CRPPA: variants seen among roughly 807,000 people sequenced by gnomAD.
CRPPA encodes CDP-L-ribitol pyrophosphorylase A, also known as D-ribitol-5-phosphate cytidylyltransferase.
In CRPPA, 43 loss-of-function variants were observed where a neutral mutation model predicts 52.0. The ratio of observed to expected loss-of-function variants is 0.83; its 90% CI spans 0.65 to 1.07. CRPPA has a LOEUF of 1.07. Ranked by LOEUF, CRPPA falls within the 50% of genes least tolerant of loss-of-function variation. The pLI is 0.00. For missense variants in CRPPA, 629 were observed against 551.7 expected, an observed-to-expected ratio of 1.14 and a Z score of -1.40; for synonymous variants, 250 against 203.5, an observed-to-expected ratio of 1.23 and a Z score of -1.94.
intron 9 of CRPPA, among the ~76,000 whole-genome samples, chr7:16,119,522 A>C (rs1234052130): frequency 6.6e-6 from 1 of 152,218 alleles, no homozygotes; most frequent in Non-Finnish European, 1.5e-5. Flanking sequence ...AACAGACAAA[A>C]CTTGAAGTGA....
chr7:16,219,849 A>G lies in CRPPA; in HGVS notation c.1120-3652T>C, dbSNP rs1001903650. Among the ~76,000 whole-genome samples the G allele has an allele frequency of 2.0e-5, 3 of 151,020 alleles. No individual in the cohort carries two copies. In the South Asian group the frequency reaches 6.3e-4, roughly 32 times the overall value. On this transcript the variant is annotated intron_variant, in intron 8 of 9. Transcript: ENST00000407010. ...CCAGGACCAGATGGATTCACAGCCA[A>G]ATTCTATCAGAGGTACAAGGAGGAA... is the stretch of plus-strand genomic sequence containing the variant.
Position 16,338,813 on chromosome 7 carries a change from CTTT to C in CRPPA, c.685-30189_685-30187del, listed in dbSNP as rs59732453. On this transcript the variant is annotated intron_variant, in intron 3 of 9. Coordinates refer to ENST00000407010, the MANE Select transcript of CRPPA (RefSeq NM_001101426.4). ...TGGGTTCATCGTGAATTCTAGCAAA[CTTT>C]TTTTTTTTTTTTTTTTTGAGACAGA... Among the ~76,000 whole-genome samples, 131 of 116,462 alleles carry C rather than the reference CTTT, an allele frequency of 1.1e-3. 1 individual carries two copies. Among genetic ancestry groups the C allele is most frequent in the Middle Eastern group, 9.3e-3 (2 of 214 alleles). The allele number at this position is 116,462 out of a possible 152,430, so 76.4% of individuals were successfully genotyped here.
chr7:16,205,123 T>G (rs988829419), intron 9 of CRPPA, among the ~76,000 whole-genome samples: 6 of 152,208 alleles, frequency 3.9e-5, no homozygotes, highest in Non-Finnish European at 5.9e-5. Flanking sequence ...AAAACAGCTA[T>G]TCACCATTAC....
chr7:16,280,377 T>C (rs1016694728), intron 5 of CRPPA, among the ~76,000 whole-genome samples: 20 of 152,344 alleles, frequency 1.3e-4, no homozygotes, highest in Non-Finnish European at 2.1e-4. Context: ...ATTACATGTT[T>C]AGAGAAATCT....
At chr7:16,386,815 G>A (rs1221299860) in intron 2 of CRPPA, among the ~76,000 whole-genome samples, 2 of 151,884 alleles carry the variant, frequency 1.3e-5, no homozygotes, top group African/African-American at 4.8e-5. Flanking sequence ...GAGATAAGGA[G>A]TTTGAGACCA....
chr7:16,112,291 G>C (rs943377420), intron 9 of CRPPA, among the ~76,000 whole-genome samples: 2 of 151,884 alleles, frequency 1.3e-5, no homozygotes, highest in African/African-American at 4.8e-5. Flanking sequence ...CTACATCTTG[G>C]GCAACAGAGT....
chr7:16,327,474 T>C (rs145072445), intron 3 of CRPPA, among the ~76,000 whole-genome samples: 3,202 of 151,990 alleles, frequency 0.021, 104 homozygotes, highest in African/African-American at 0.071. Context: ...GCGCCTGTAG[T>C]CCCAGCTACT....
At chr7:16,199,165 G>C (rs780137869) in intron 9 of CRPPA, among the ~76,000 whole-genome samples, 8 of 152,126 alleles carry the variant, frequency 5.3e-5, no homozygotes, top group Non-Finnish European at 8.8e-5. Flanking sequence ...AACTGGACCA[G>C]TGGTTCTCAA....
intron 9 of CRPPA, among the ~76,000 whole-genome samples, chr7:16,104,132 A>T (rs1459284081): frequency 9.9e-5 from 15 of 152,230 alleles, no homozygotes; most frequent in Admixed American, 9.8e-4. Flanking sequence ...AAAGTTTCAC[A>T]GTTGTTTACC....
Position 16,308,516 on chromosome 7 carries a change from C to G in CRPPA, c.789+7G>C. 6.6e-7 allele frequency: 1 copy of G among 1,515,122 alleles called. No homozygotes were observed. The highest frequency in any genetic ancestry group is 9.1e-7 in the Non-Finnish European group (1 of 1,094,236). The allele number at this position is 1,515,122 out of a possible 1,614,324, so 93.9% of individuals were successfully genotyped here. A position where few individuals can be genotyped will look rare whatever the true frequency, so the allele number is the denominator to read the frequency against. On this transcript the variant is annotated splice_region_variant and intron_variant, in intron 4 of 9. Coordinates refer to ENST00000407010, the MANE Select transcript of CRPPA (RefSeq NM_001101426.4). ...AAAGAACCCAAGCAAGGTATCATCCCTCTTACCTTCCAGAGGTCAGGTGAT... is the reference window on the plus strand; with the variant it reads ...AAAGAACCCAAGCAAGGTATCATCCGTCTTACCTTCCAGAGGTCAGGTGAT...
chr7:16,374,017 C>G (rs1328778657), intron 3 of CRPPA, among the ~76,000 whole-genome samples: 1 of 152,098 alleles, frequency 6.6e-6, no homozygotes, highest in Non-Finnish European at 1.5e-5. Context: ...TGCCAGATAT[C>G]TGCTTGTGAT....
intron 9 of CRPPA, among the ~76,000 whole-genome samples, chr7:16,134,605 C>T (rs1298178294): frequency 6.6e-6 from 1 of 152,076 alleles, no homozygotes; most frequent in Non-Finnish European, 1.5e-5. Context: ...AGGTTCAATG[C>T]CCCAACCCAA....
At chr7:16,271,421 T>A (rs1378044517) in intron 6 of CRPPA, among the ~76,000 whole-genome samples, 2 of 152,040 alleles carry the variant, frequency 1.3e-5, no homozygotes, top group African/African-American at 4.8e-5. Flanking sequence ...CACTTCATTT[T>A]CCCCTTAAAA....
In CRPPA at chr7:16,256,978, T is replaced by C. The variant is rs75418703; in HGVS notation, c.1119+1412A>G. ...TCAGATTAGAGCTGTGGAAGTTAAT[T>C]TGGAGTCATCTCATCCAAAGACAAA... On this transcript the variant is annotated intron_variant, in intron 8 of 9. Transcript: ENST00000407010. 1.4e-3 allele frequency among the ~76,000 whole-genome samples: 215 copies of C among 152,188 alleles called. 9 individuals carry two copies. The East Asian group carries it at 0.032, about 22-fold the overall frequency.
At chr7:16,283,242 C>G (rs900684262) in intron 5 of CRPPA, among the ~76,000 whole-genome samples, 1 of 149,666 alleles carries the variant, frequency 6.7e-6, no homozygotes, top group Admixed American at 6.7e-5. Flanking sequence ...ATAGGATCTA[C>G]TGATCTACCA....
intron 3 of CRPPA, among the ~76,000 whole-genome samples, chr7:16,361,957 C>T (rs1439141218): frequency 6.6e-6 from 1 of 152,160 alleles, no homozygotes; most frequent in Admixed American, 6.5e-5. Context: ...CGGGTTCACG[C>T]CATTCTCCTG....
rs1004156481 is a variant in CRPPA, at chr7:16,385,235, GA to G, written c.535-8995del. The stretch of plus-strand genomic sequence containing the variant: ...CAAAAGGAAAGATGAGAAAGAAGCA[GA>G]AAAAAAAAATTCAAGGAAATGACTG... On this transcript the variant is annotated intron_variant, in intron 2 of 9. Transcript: ENST00000407010. Among the ~76,000 whole-genome samples, 14 of 144,876 alleles carry G rather than the reference GA, an allele frequency of 9.7e-5. No homozygotes were observed. The East Asian group carries it at 1.6e-3, about 17-fold the overall frequency.
chr7:16,386,020 C>G (rs998920198), intron 2 of CRPPA, among the ~76,000 whole-genome samples: 1 of 152,242 alleles, frequency 6.6e-6, no homozygotes, highest in Admixed American at 6.5e-5. Context: ...AAATGTTAAC[C>G]AGCTCAGTGC....
intron 9 of CRPPA, among the ~76,000 whole-genome samples, chr7:16,195,211 G>C (rs968197065): frequency 6.6e-6 from 1 of 152,184 alleles, no homozygotes; most frequent in East Asian, 1.9e-4. Context: ...CAGCTTTCTA[G>C]TTCCCTCTGG....
Sources: gnomAD v4.1 joint callset for allele counts (sites outside exome capture counted in the v4.1 genomes callset) on GRCh38, gnomAD v4.1.1 for gene constraint, MANE v1.5 for transcripts, NCBI Gene and HGNC (gene_info 2026-07-23, HGNC 2026-07-21) for gene names.